The following SLC20A2 variants were observed in gnomAD, a reference collection of about 807,000 sequenced individuals.
SLC20A2 encodes the protein sodium-dependent phosphate transporter 2.
A neutral mutation model predicts 61.0 loss-of-function variants in SLC20A2; 30 were observed. The ratio of observed to expected loss-of-function variants is 0.49; its 90% CI spans 0.37 to 0.67. The LOEUF (loss-of-function observed/expected upper bound fraction) is 0.67, where lower values mean the gene tolerates loss of function less well. Among genes scored for constraint, SLC20A2 ranks in the 30% least tolerant of loss-of-function variants. The pLI, the probability that SLC20A2 is intolerant of heterozygous loss-of-function variation, is 0.00. For missense variants in SLC20A2, 626 were observed against 866.4 expected, an observed-to-expected ratio of 0.72 and a Z score of 3.48; for synonymous variants, 351 against 353.3, an observed-to-expected ratio of 0.99 and a Z score of 0.07.
chr8:42,436,798 C>G (rs1334273285), intron 8 of SLC20A2, among the ~76,000 whole-genome samples, 191 bp downstream of exon 8: 1 of 152,240 alleles, frequency 6.6e-6, no homozygotes, highest in African/African-American at 2.4e-5. Context: ...ATCTACCTTA[C>G]TTTCCTGTTA....
chr8:42,503,469 C>T (rs1405015391), upstream of SLC20A2, among the ~76,000 whole-genome samples: 1 of 152,084 alleles, frequency 6.6e-6, no homozygotes, highest in Non-Finnish European at 1.5e-5. Context: ...TACCAACCTT[C>T]TATGAGCAGT....
intron 9 of SLC20A2, among the ~76,000 whole-genome samples, chr8:42,429,469 T>G (rs1278867942): frequency 6.6e-6 from 1 of 152,166 alleles, no homozygotes; most frequent in African/African-American, 2.4e-5. Flanking sequence ...CCCACATGTT[T>G]TAAAAAGACA....
chr8:42,528,018 T>C lies in SLC20A2; in HGVS notation c.-265+13803A>G, dbSNP rs1586275896. ...TTCACTGCTCTCTTCTTTATACCTTTCTGTATTACCTGATTTTCTATTACC... is the reference window on the plus strand; with the variant it reads ...TTCACTGCTCTCTTCTTTATACCTTCCTGTATTACCTGATTTTCTATTACC... On this transcript the variant is annotated intron_variant, in intron 1 of 10. Coordinates refer to the SLC20A2 transcript ENST00000342228. Among the ~76,000 whole-genome samples, 3 of 152,208 alleles carry C rather than the reference T, an allele frequency of 2.0e-5. No individual in the cohort carries two copies. In the East Asian group the frequency reaches 5.8e-4, roughly 29 times the overall value.
chr8:42,458,099 T>C (rs969648034), intron 5 of SLC20A2, among the ~76,000 whole-genome samples: 1 of 152,120 alleles, frequency 6.6e-6, no homozygotes, highest in Non-Finnish European at 1.5e-5. Flanking sequence ...CAAATCTTCA[T>C]CCATAACAGA....
intron 10 of SLC20A2, among the ~76,000 whole-genome samples, chr8:42,420,289 ACT>A (rs1379427502): frequency 6.6e-6 from 1 of 152,194 alleles, no homozygotes; most frequent in African/African-American, 2.4e-5. Context: ...AATAATATTA[ACT>A]CTGTGATATC....
chr8:42,528,966 C>CTATCAT (rs1290608440), intron 1 of SLC20A2, among the ~76,000 whole-genome samples: 6,852 of 148,484 alleles, frequency 0.046, 446 homozygotes, highest in African/African-American at 0.15. Flanking sequence ...CGAGCCCGGC[C>CTATCAT]TATTATTATT....
At chr8:42,483,900 C>A (rs907258153) in intron 1 of SLC20A2, among the ~76,000 whole-genome samples, 17 of 152,160 alleles carry the variant, frequency 1.1e-4, no homozygotes, top group African/African-American at 3.9e-4. Context: ...ATGGCTCTTA[C>A]ATGTTTATTT....
intron 1 of SLC20A2, among the ~76,000 whole-genome samples, chr8:42,500,406 T>C (rs528112694): frequency 5.3e-5 from 8 of 152,370 alleles, no homozygotes; most frequent in African/African-American, 1.4e-4. Flanking sequence ...CAGAATCCCA[T>C]GGCCTTTGGT....
At chr8:42,538,295 A>G (rs1008334174) in intron 1 of SLC20A2, 14 of 149,474 alleles carry the variant, frequency 9.4e-5, no homozygotes, top group African/African-American at 3.2e-4. Context: ...ATTATATATT[A>G]TACTGGATAC....
In SLC20A2 at chr8:42,438,067, A is replaced by C. The variant is rs1162495720; in HGVS notation, c.935-490T>G. Among the ~76,000 whole-genome samples, 86 of 142,440 alleles carry C rather than the reference A, an allele frequency of 6.0e-4. 4 individuals are homozygous for C. Among genetic ancestry groups the C allele is most frequent in the African/African-American group, 1.3e-3 (50 of 39,330 alleles). The allele number at this position is 142,440 out of a possible 152,430, so 93.4% of individuals were successfully genotyped here. ...GTTACCACTAAAAAAAAAAACCAAAAAAAAAAAAAAAAAAAAAAAAAACAT... is the reference window on the plus strand; with the variant it reads ...GTTACCACTAAAAAAAAAAACCAAACAAAAAAAAAAAAAAAAAAAAAACAT... On this transcript the variant is annotated intron_variant, in intron 7 of 10. Coordinates refer to ENST00000520262, the MANE Select transcript of SLC20A2 (RefSeq NM_001257180.2).
intron 1 of SLC20A2, among the ~76,000 whole-genome samples, chr8:42,499,139 G>A (rs1810152635): frequency 6.6e-6 from 1 of 152,180 alleles, no homozygotes; most frequent in Non-Finnish European, 1.5e-5. Flanking sequence ...CCTGCGGCGT[G>A]GGAACAGCAG....
At chr8:42,426,291 G>A (rs1803406679) in intron 10 of SLC20A2, among the ~76,000 whole-genome samples, 1 of 152,184 alleles carries the variant, frequency 6.6e-6, no homozygotes, top group Admixed American at 6.5e-5. Context: ...AGCAAAATCA[G>A]TACTGTCCAT....
chr8:42,449,251 T>C (rs1189148836), intron 5 of SLC20A2, among the ~76,000 whole-genome samples: 6 of 152,100 alleles, frequency 3.9e-5, no homozygotes, highest in Admixed American at 3.9e-4. Flanking sequence ...CAAAAGTAGC[T>C]GCCAGGAACC....
At chr8:42,510,791 C>A (rs560652360) in intron 1 of SLC20A2, among the ~76,000 whole-genome samples, 1 of 151,814 alleles carries the variant, frequency 6.6e-6, no homozygotes, top group African/African-American at 2.4e-5. Context: ...CATCTACCTT[C>A]TAGGAATGTT....
Position 42,435,546 on chromosome 8 carries a change from G to A in SLC20A2, c.1523+1443C>T, listed in dbSNP as rs191298973. ...TCTAGGGGTTACACAGCTGTAAGAC[G>A]ACAGCAGAGACCCAAACTTGGGGCT... On this transcript the variant is annotated intron_variant, in intron 8 of 10. Coordinates refer to ENST00000520262, the MANE Select transcript of SLC20A2 (RefSeq NM_001257180.2). 3.5e-3 allele frequency among the ~76,000 whole-genome samples: 532 copies of A among 152,184 alleles called. 4 individuals are homozygous for A. Among genetic ancestry groups the A allele is most frequent in the African/African-American group, 0.012 (503 of 41,524 alleles).
chr8:42,439,464 G>A lies in SLC20A2; in HGVS notation c.920C>T (p.Pro307Leu). 1 of 1,613,622 alleles carries A rather than the reference G, an allele frequency of 6.2e-7. No individual in the cohort carries two copies. The highest frequency in any genetic ancestry group is 2.2e-5 in the East Asian group (1 of 44,880). Reference protein sequence around the residue: ...TSEGTSAGSHPRAAYGRALSM... With the variant: ...TSEGTSAGSHLRAAYGRALSM... Reference sequence around the variant, plus strand: ...GCACATCTTACCGTATGCAGCCCGAGGGTGGCTGCCCGCAGAAGTGCCTTC... The same window carrying A: ...GCACATCTTACCGTATGCAGCCCGAAGGTGGCTGCCCGCAGAAGTGCCTTC... The change falls in exon 7 of 11, where the codon CCT becomes CTT. Residue 307 changes from proline (P) to leucine (L), a missense_variant. Transcript: ENST00000520262.
intron 8 of SLC20A2, among the ~76,000 whole-genome samples, chr8:42,433,016 A>C (rs1803981319): frequency 1.3e-5 from 2 of 152,180 alleles, no homozygotes; most frequent in Admixed American, 6.6e-5. Flanking sequence ...GCATAGCTCA[A>C]CTTGGTGTAT....
chr8:42,488,928 G>A (rs1489885622), intron 1 of SLC20A2, among the ~76,000 whole-genome samples: 2 of 147,378 alleles, frequency 1.4e-5, no homozygotes, highest in Admixed American at 1.4e-4. Flanking sequence ...TGAGTTATAG[G>A]AGTTTTGTTT....
chr8:42,467,357 A>C (rs756057386), intron 2 of SLC20A2, among the ~76,000 whole-genome samples: 1 of 152,194 alleles, frequency 6.6e-6, no homozygotes, highest in Non-Finnish European at 1.5e-5. Flanking sequence ...TATTTTCATA[A>C]GCAGATCAGA....
Sources: gnomAD v4.1 joint callset for allele counts (sites outside exome capture counted in the v4.1 genomes callset) on GRCh38, gnomAD v4.1.1 for gene constraint, MANE v1.5 for transcripts, NCBI Gene and HGNC (gene_info 2026-07-23, HGNC 2026-07-21) for gene names.